SERPINE2: variants seen among roughly 807,000 people sequenced by gnomAD.
SERPINE2 encodes glia-derived nexin.
Under a neutral mutation model 36.3 loss-of-function variants are expected in SERPINE2, and 14 were observed. That is an observed-to-expected ratio of 0.39 (90% CI 0.25 to 0.60). The LOEUF (loss-of-function observed/expected upper bound fraction) is 0.60. SERPINE2 is among the 20% of genes least tolerant of loss of function. The pLI is 0.57. For missense variants in SERPINE2, 418 were observed against 499.6 expected (o/e 0.84, Z 1.56); for synonymous variants, 192 against 191.8 (o/e 1.00, Z -0.01).
At chr2:224,031,293 A>G in intron 1 of SERPINE2, 10 of 985,264 alleles carry the variant, frequency 1.0e-5, no homozygotes, top group Non-Finnish European at 1.2e-5. Context: ...TGGACCCTTT[A>G]TCTCTGCCAC....
chr2:223,998,349 G>C lies in SERPINE2; in HGVS notation c.260-7C>G. ...TTTAATATTTTACCAACTCCTAAAA[G>C]AGAAATCAGAAGATACAGCAATACT... On this transcript the variant is annotated splice_region_variant and splice_polypyrimidine_tract_variant and intron_variant, in intron 2 of 8. Transcript: ENST00000409304. 4 of 1,594,500 alleles carry C rather than the reference G, an allele frequency of 2.5e-6. No homozygotes were observed. Among genetic ancestry groups the C allele is most frequent in the East Asian group, 4.5e-5 (2 of 44,770 alleles).
intron 1 of SERPINE2, among the ~76,000 whole-genome samples, chr2:224,026,015 C>G (rs551331116): frequency 5.3e-5 from 8 of 152,350 alleles, no homozygotes; most frequent in African/African-American, 1.7e-4. Context: ...TAAGGCTGAA[C>G]TGTTCTTAAT....
chr2:223,979,181 G>GT (rs1690126543), intron 7 of SERPINE2: 1 of 152,130 alleles, frequency 6.6e-6, no homozygotes, highest in Admixed American at 6.5e-5. Context: ...CCTGCACTGG[G>GT]TTTAATACTC....
chr2:224,025,285 C>A (rs13014681), intron 1 of SERPINE2, among the ~76,000 whole-genome samples: 16,202 of 152,218 alleles, frequency 0.11, 899 homozygotes, highest in Middle Eastern at 0.17. Context: ...TAACCCCATT[C>A]CCCAGCTTTC....
At chr2:224,037,272 T>C (rs1168256052) in intron 1 of SERPINE2, among the ~76,000 whole-genome samples, 1 of 152,080 alleles carries the variant, frequency 6.6e-6, no homozygotes, top group African/African-American at 2.4e-5. Flanking sequence ...ATTCTCCTGG[T>C]AGAATGGGCT....
intron 1 of SERPINE2, among the ~76,000 whole-genome samples, chr2:224,025,451 C>T (rs573625632): frequency 6.6e-6 from 1 of 152,332 alleles, no homozygotes; most frequent in South Asian, 2.1e-4. Context: ...TAGGGCATCC[C>T]CCAGATAAGA....
chr2:224,028,860 AAACACACGCAGAACCAG>A (rs1197326321), intron 1 of SERPINE2, among the ~76,000 whole-genome samples: 3 of 152,344 alleles, frequency 2.0e-5, no homozygotes, highest in Admixed American at 2.0e-4. Context: ...AGGGCAGAGA[AAACACACGCAGAACCAG>A]AACACAAGGT....
chr2:224,036,412 A>G (rs755445685), intron 1 of SERPINE2, among the ~76,000 whole-genome samples: 11 of 150,956 alleles, frequency 7.3e-5, no homozygotes, highest in Non-Finnish European at 1.5e-4. Context: ...GTGGGTATCC[A>G]TAAGATTGCT....
intron 7 of SERPINE2, chr2:223,979,534 T>C (rs1690143623): frequency 1.3e-5 from 2 of 152,230 alleles, no homozygotes; most frequent in African/African-American, 4.8e-5. Context: ...ATTTTCACTT[T>C]ATGGGCTCAC....
chr2:223,980,192 C>T (rs746070211), intron 7 of SERPINE2, 119 bp downstream of exon 7: 1 of 796,108 alleles, frequency 1.3e-6, no homozygotes, highest in Non-Finnish European at 2.1e-6. Flanking sequence ...TGAGGGTTAA[C>T]CCACACACAC....
intron 2 of SERPINE2, among the ~76,000 whole-genome samples, chr2:223,999,360 T>A (rs1475911854): frequency 6.6e-6 from 1 of 152,204 alleles, no homozygotes; most frequent in African/African-American, 2.4e-5. Context: ...TCCTTCTTCA[T>A]CGCTTGGGGT....
intron 1 of SERPINE2, among the ~76,000 whole-genome samples, chr2:224,018,142 C>T (rs955245613): frequency 5.9e-5 from 9 of 152,164 alleles, no homozygotes; most frequent in African/African-American, 2.2e-4. Context: ...ATCGACAGCC[C>T]TGATGATGGG....
chr2:224,020,454 G>A (rs1263775052), intron 1 of SERPINE2, among the ~76,000 whole-genome samples: 7 of 152,130 alleles, frequency 4.6e-5, no homozygotes, highest in African/African-American at 1.7e-4. Flanking sequence ...TATTTCCATG[G>A]TGGGGCAAAA....
intron 1 of SERPINE2, among the ~76,000 whole-genome samples, chr2:224,008,182 C>T (rs1178686050): frequency 6.6e-6 from 1 of 152,178 alleles, no homozygotes; most frequent in African/African-American, 2.4e-5. Context: ...AATCAGTAGA[C>T]GGTAGCTGAC....
At position 223,977,534 on chromosome 2, in the gene SERPINE2, A is replaced by AG; in HGVS notation, c.1156+9dup. 1 of 1,556,768 alleles carries AG rather than the reference A, an allele frequency of 6.4e-7. No homozygotes were observed. Among genetic ancestry groups the AG allele is most frequent in the Non-Finnish European group, 8.9e-7 (1 of 1,127,752 alleles). On this transcript the variant is annotated intron_variant, in intron 8 of 8. Coordinates refer to ENST00000409304, the MANE Select transcript of SERPINE2 (RefSeq NM_001136528.2). ...CAGAGAGGGCATGATGGAAGAGGAG[A>AG]GTCACTTACCTGTAGGATTATGTCG...
At chr2:223,988,806 A>G (rs1349704111) in intron 4 of SERPINE2, among the ~76,000 whole-genome samples, 6 of 152,226 alleles carry the variant, frequency 3.9e-5, no homozygotes, top group Non-Finnish European at 8.8e-5. Flanking sequence ...GGCTTTCCAT[A>G]GGATAGCATG....
At chr2:224,006,454 CG>C (rs1318120998) in intron 1 of SERPINE2, among the ~76,000 whole-genome samples, 5 of 152,212 alleles carry the variant, frequency 3.3e-5, no homozygotes, top group African/African-American at 1.2e-4. Context: ...ACTCCTTCCA[CG>C]GTGTGTGTGA....
At chr2:223,977,426 G>GC in intron 8 of SERPINE2, 118 bp downstream of exon 8, 1 of 712,944 alleles carries the variant, frequency 1.4e-6, no homozygotes, top group Non-Finnish European at 2.6e-6. Flanking sequence ...CAAAGTGTCT[G>GC]CAACTATTGA....
chr2:223,980,825 G>A (rs935760362), intron 6 of SERPINE2: 3 of 174,452 alleles, frequency 1.7e-5, no homozygotes, highest in Admixed American at 5.8e-5. Context: ...GGCCTAGAAC[G>A]TTAAGTAATG....
Sources: gnomAD v4.1 joint callset for allele counts (sites outside exome capture counted in the v4.1 genomes callset) on GRCh38, gnomAD v4.1.1 for gene constraint, MANE v1.5 for transcripts, NCBI Gene and HGNC (gene_info 2026-07-23, HGNC 2026-07-21) for gene names.